The following PDE4B variants were observed in gnomAD, a reference collection of about 807,000 sequenced individuals.
PDE4B encodes 3',5'-cyclic-AMP phosphodiesterase 4B.
Under a neutral mutation model 82.2 loss-of-function variants are expected in PDE4B, and 20 were observed. That is an observed-to-expected ratio of 0.24 (90% CI 0.17 to 0.35). PDE4B has a LOEUF of 0.35. Among genes scored for constraint, PDE4B ranks in the 10% least tolerant of loss-of-function variants. The pLI, the probability that PDE4B is intolerant of heterozygous loss-of-function variation, is 1.00. For synonymous variants in PDE4B, 320 were observed against 318.9 expected, an observed-to-expected ratio of 1.00 and a Z score of -0.04; for missense variants, 655 against 907.2, an observed-to-expected ratio of 0.72 and a Z score of 3.57.
At chr1:65,825,212 A>G (rs184749915) in intron 1 of PDE4B, among the ~76,000 whole-genome samples, 2 of 152,280 alleles carry the variant, frequency 1.3e-5, no homozygotes, top group East Asian at 3.9e-4. Context: ...GGTCATTGAC[A>G]TTGCTCTTCC....
rs2102080395 is a variant in PDE4B at position 66,372,932 on chromosome 1, C to T, written c.*254C>T. The T allele has an allele frequency of 2.4e-6, 1 of 420,936 alleles. No individual in the cohort carries two copies. Among genetic ancestry groups the T allele is most frequent in the South Asian group, 4.7e-5 (1 of 21,332 alleles). 26.1% of individuals were successfully genotyped at this position (420,936 alleles called of 1,614,324 possible). On this transcript the variant is annotated 3_prime_UTR_variant, in exon 17 of 17. Coordinates refer to ENST00000341517, the MANE Select transcript of PDE4B (RefSeq NM_002600.4). ...TGCTGGGGGCCGATTCTGATCAAGA[C>T]ACATGGCTTGAAAATGGAAGACACA... is the stretch of plus-strand genomic sequence containing the variant.
At chr1:66,197,133 C>A (rs773989665) in intron 3 of PDE4B, among the ~76,000 whole-genome samples, 18 of 151,960 alleles carry the variant, frequency 1.2e-4, no homozygotes, top group Admixed American at 1.2e-3. Flanking sequence ...TTGAAATTAC[C>A]AAATAGGAGT....
At chr1:66,180,296 A>T (rs1209989967) in intron 3 of PDE4B, among the ~76,000 whole-genome samples, 1 of 152,236 alleles carries the variant, frequency 6.6e-6, no homozygotes, top group East Asian at 1.9e-4. Flanking sequence ...AAATGGAAAG[A>T]TTATGACACA....
At chr1:65,849,785 G>T (rs1183458521) in intron 1 of PDE4B, among the ~76,000 whole-genome samples, 1 of 152,118 alleles carries the variant, frequency 6.6e-6, no homozygotes, top group Non-Finnish European at 1.5e-5. Context: ...GAACAAGAAC[G>T]CCCCTTTTCT....
In PDE4B at chr1:66,300,079, G is replaced by A. The variant is rs112744225; in HGVS notation, c.635-32429G>A. On this transcript the variant is annotated intron_variant, in intron 7 of 16. Coordinates refer to ENST00000341517, the MANE Select transcript of PDE4B (RefSeq NM_002600.4). Reference sequence around the variant, plus strand: ...CTAGGGGAATGTCTTTCTCTCTGGTGTTCGTGTTTTTACCTTCTTCAGCCA... The same window carrying A: ...CTAGGGGAATGTCTTTCTCTCTGGTATTCGTGTTTTTACCTTCTTCAGCCA... Among the ~76,000 whole-genome samples the A allele has an allele frequency of 2.6e-3, 400 of 152,238 alleles. 3 individuals carry two copies. Among genetic ancestry groups the A allele is most frequent in the African/African-American group, 8.5e-3 (355 of 41,536 alleles).
intron 1 of PDE4B, among the ~76,000 whole-genome samples, chr1:65,848,072 T>C (rs946367322): frequency 7.2e-5 from 11 of 152,202 alleles, no homozygotes; most frequent in African/African-American, 2.4e-4. Flanking sequence ...GTGAATTCAT[T>C]AATTTTTTAA....
At chr1:65,842,047 G>A (rs1646212949) in intron 1 of PDE4B, among the ~76,000 whole-genome samples, 1 of 152,114 alleles carries the variant, frequency 6.6e-6, no homozygotes, top group Non-Finnish European at 1.5e-5. Flanking sequence ...TAGTCATGGA[G>A]GTGAATCTTA....
chr1:66,015,027 T>C (rs1652689975), intron 3 of PDE4B, among the ~76,000 whole-genome samples: 1 of 152,176 alleles, frequency 6.6e-6, no homozygotes, highest in African/African-American at 2.4e-5. Flanking sequence ...TATTGACTAC[T>C]TGGTAGTTGG....
At chr1:65,795,051 A>G (rs139751228) in intron 1 of PDE4B, among the ~76,000 whole-genome samples, 21 of 152,360 alleles carry the variant, frequency 1.4e-4, no homozygotes, top group African/African-American at 4.8e-4. Flanking sequence ...TCAATCATAC[A>G]TGGTTTTCTG....
intron 1 of PDE4B, among the ~76,000 whole-genome samples, chr1:65,796,481 T>C (rs1645632865): frequency 1.3e-5 from 2 of 152,140 alleles, no homozygotes; most frequent in South Asian, 4.1e-4. Context: ...TCGCTGATTC[T>C]GTCCTCTGTC....
intron 7 of PDE4B, among the ~76,000 whole-genome samples, chr1:66,278,630 G>A (rs746245531): frequency 6.6e-6 from 1 of 152,218 alleles, no homozygotes; most frequent in Non-Finnish European, 1.5e-5. Context: ...AGGAACAAGG[G>A]CTCAGTTCTG....
intron 3 of PDE4B, among the ~76,000 whole-genome samples, chr1:66,200,029 G>A (rs887102671): frequency 6.6e-6 from 1 of 152,112 alleles, no homozygotes; most frequent in African/African-American, 2.4e-5. Context: ...TGTATAAGGT[G>A]TAAGGAAAGG....
chr1:66,131,592 G>GATAT (rs71058452), intron 3 of PDE4B, among the ~76,000 whole-genome samples: 1,890 of 32,678 alleles, frequency 0.058, 398 homozygotes, highest in Non-Finnish European at 0.087. Context: ...CTGAATGCCA[G>GATAT]ATATATATAT....
chr1:65,998,012 C>T (rs1651646756), intron 3 of PDE4B, among the ~76,000 whole-genome samples: 1 of 151,836 alleles, frequency 6.6e-6, no homozygotes, highest in Non-Finnish European at 1.5e-5. Flanking sequence ...TATTTTTTGG[C>T]CAAGGGAGCA....
chr1:65,907,086 A>G (rs12563893), intron 1 of PDE4B, among the ~76,000 whole-genome samples: 40,565 of 152,146 alleles, frequency 0.27, 6,085 homozygotes, highest in East Asian at 0.48. Context: ...TTCTTATTAC[A>G]TATACTTTTT....
intron 9 of PDE4B, among the ~76,000 whole-genome samples, chr1:66,360,065 A>T (rs1033998397): frequency 1.3e-5 from 2 of 151,962 alleles, no homozygotes; most frequent in East Asian, 1.9e-4. Flanking sequence ...GGAATCTTTT[A>T]AAAAAAATAC....
At chr1:65,947,496 A>G (rs1648772772) in intron 3 of PDE4B, among the ~76,000 whole-genome samples, 1 of 152,028 alleles carries the variant, frequency 6.6e-6, no homozygotes. Flanking sequence ...ATATCCCCAA[A>G]GGATATATTG....
intron 3 of PDE4B, among the ~76,000 whole-genome samples, chr1:66,053,786 G>T (rs1041894683): frequency 6.6e-5 from 10 of 152,138 alleles, no homozygotes; most frequent in African/African-American, 2.4e-4. Flanking sequence ...TTGAACCCAG[G>T]AGGCAGAAGT....
At position 66,260,405 on chromosome 1, in the gene PDE4B, G is replaced by A. The variant is rs144200702; in HGVS notation, c.584+2542G>A. On this transcript the variant is annotated intron_variant, in intron 6 of 16. Coordinates refer to ENST00000341517, the MANE Select transcript of PDE4B (RefSeq NM_002600.4). ...GAAAGACATTTAGGAAGAACTTATG[G>A]AATAGATGAAGGTCAGAAAGCCTGA... is the stretch of plus-strand genomic sequence containing the variant. Among the ~76,000 whole-genome samples, 569 of 152,286 alleles carry A rather than the reference G, an allele frequency of 3.7e-3. 2 individuals are homozygous for A. The highest frequency in any genetic ancestry group is 0.013 in the African/African-American group (550 of 41,548).
Sources: gnomAD v4.1 joint callset for allele counts (sites outside exome capture counted in the v4.1 genomes callset) on GRCh38, gnomAD v4.1.1 for gene constraint, MANE v1.5 for transcripts, NCBI Gene and HGNC (gene_info 2026-07-23, HGNC 2026-07-21) for gene names.